The following TCF7 variants were observed in gnomAD, a reference collection of about 807,000 sequenced individuals.
TCF7 encodes the protein transcription factor 7, also known as T-cell-factor-7.
TCF7 carries 19 observed loss-of-function variants against 46.8 expected under a neutral mutation model. The ratio of observed to expected loss-of-function variants is 0.41; its 90% CI spans 0.28 to 0.60. The LOEUF (loss-of-function observed/expected upper bound fraction) is 0.60. Among genes scored for constraint, TCF7 ranks in the 20% least tolerant of loss-of-function variants. The pLI, the probability that TCF7 is intolerant of heterozygous loss-of-function variation, is 0.35. For synonymous variants in TCF7, 245 were observed against 213.4 expected (o/e 1.15, Z -1.29); for missense variants, 547 against 504.6 (o/e 1.08, Z -0.81).
chr5:134,138,928 C>T, intron 4 of TCF7, 23 bp from the exon 5 acceptor site: 1 of 1,613,126 alleles, frequency 6.2e-7, no homozygotes, highest in Non-Finnish European at 8.5e-7. Flanking sequence ...CTAGCCCACT[C>T]ACTCAGCTTC....
At chr5:134,135,949 GA>G (rs1580863931) in intron 3 of TCF7, among the ~76,000 whole-genome samples, 1 of 152,334 alleles carries the variant, frequency 6.6e-6, no homozygotes, top group East Asian at 1.9e-4. Context: ...ATGCTGCAGA[GA>G]GGTTGGATAA....
chr5:134,138,892 C>G, intron 4 of TCF7, 59 bp from the exon 5 acceptor site: 1 of 1,604,198 alleles, frequency 6.2e-7, no homozygotes, highest in East Asian at 2.2e-5. Context: ...GATGCAGTAA[C>G]TGCTGATATG....
intron 4 of TCF7, chr5:134,138,369 T>A: frequency 1.8e-6 from 1 of 546,572 alleles, no homozygotes. Context: ...GGTCAAAATG[T>A]GAAGGCTTCA....
chr5:134,142,608 GA>G, intron 6 of TCF7, 112 bp from the exon 7 acceptor site: 3 of 1,385,482 alleles, frequency 2.2e-6, no homozygotes, highest in Non-Finnish European at 2.9e-6. Context: ...ATTCCACTTA[GA>G]AAACTCTGGT....
intron 3 of TCF7, among the ~76,000 whole-genome samples, chr5:134,120,222 C>T (rs767078178): frequency 6.6e-6 from 1 of 152,174 alleles, no homozygotes; most frequent in Non-Finnish European, 1.5e-5. Context: ...GCAGTCAGCA[C>T]CCAAAGCCCC....
chr5:134,143,416 T>A (rs1302860367), intron 8 of TCF7, 176 bp from the exon 9 acceptor site: 1 of 837,804 alleles, frequency 1.2e-6, no homozygotes, highest in East Asian at 2.4e-5. Flanking sequence ...AGGGAAGAGC[T>A]TCTAAATGCA....
Position 134,115,003 on chromosome 5 carries a change from C to A in TCF7, c.97C>A (p.Gln33Lys). The A allele has an allele frequency of 8.0e-7, 1 of 1,251,358 alleles. No homozygotes were observed. The highest frequency in any genetic ancestry group is 1.5e-5 in the South Asian group (1 of 66,198). The allele number at this position is 1,251,358 out of a possible 1,614,324, so 77.5% of individuals were successfully genotyped here. A position where few individuals can be genotyped will look rare whatever the true frequency, so the allele number is the denominator to read the frequency against. ...GGCCTTCCAGGATGAAGGCGAGGAG[C>A]AGGACGACAAGAGCCGCGACAGCGC... ...LLAFQDEGEEQDDKSRDSAAG... is the reference protein window; with the variant it reads ...LLAFQDEGEEKDDKSRDSAAG... Residue 33 changes from glutamine (Q) to lysine (K), a missense_variant, in exon 1 of 10, where the codon CAG becomes AAG. Physicochemically the swap from Gln to Lys is moderately conservative, Grantham distance 53. Around this residue, in one of 3 missense-constraint regions of TCF7, gnomAD observed 425 missense variants for 349.9 expected, o/e 1.21. Transcript: ENST00000342854.
intron 3 of TCF7, among the ~76,000 whole-genome samples, chr5:134,128,635 C>T (rs1294608910): frequency 6.6e-6 from 1 of 151,074 alleles, no homozygotes; most frequent in East Asian, 1.9e-4. Context: ...TAAATTGGGG[C>T]AAGAATGCAG....
In TCF7 at chr5:134,143,696, G is replaced by A. The variant is rs546870463; in HGVS notation, c.1075+56G>A. The A allele has an allele frequency of 3.0e-5, 48 of 1,606,066 alleles. No individual in the cohort carries two copies. In the South Asian group the frequency reaches 5.0e-4, roughly 17 times the overall value. On this transcript the variant is annotated intron_variant, in intron 9 of 9. Coordinates refer to ENST00000342854, the MANE Select transcript of TCF7 (RefSeq NM_003202.5). ...TCCTCTCCATGTCCCCATTTCAAGA[G>A]CAGCCCTCCTCTGACCCAAAGGGAG...
chr5:134,127,959 G>A (rs752453043), intron 3 of TCF7, among the ~76,000 whole-genome samples: 1 of 152,196 alleles, frequency 6.6e-6, no homozygotes, highest in Non-Finnish European at 1.5e-5. Flanking sequence ...ACAAATATTA[G>A]TTCATCTAAT....
intron 3 of TCF7, among the ~76,000 whole-genome samples, chr5:134,119,981 C>T (rs1339105685): frequency 2.0e-5 from 3 of 152,200 alleles, no homozygotes; most frequent in Non-Finnish European, 4.4e-5. Context: ...GGCTCTACCC[C>T]GGGAGTGCCC....
In TCF7 at chr5:134,143,049, G is replaced by A. The variant is rs1226378692; in HGVS notation, c.975G>A (p.Glu325=). The A allele has an allele frequency of 1.2e-6, 2 of 1,611,788 alleles. No individual in the cohort carries two copies. The highest frequency in any genetic ancestry group is 3.4e-5 in the Admixed American group (2 of 59,556). ...AGTACTATGAGCTGGCCCGCAAGGA[G>A]AGGCAGCTGCACATGCAGCTATACC... ...QAKYYELARK[E]RQLHMQLYPG... Residue 325 remains glutamate (E), a synonymous_variant, in exon 8 of 10, where the codon GAG becomes GAA. Transcript: ENST00000342854.
chr5:134,115,618 C>T, intron 2 of TCF7: 1 of 1,431,474 alleles, frequency 7.0e-7, no homozygotes, highest in Non-Finnish European at 9.1e-7. Flanking sequence ...TCCCCGCCTC[C>T]CCTCCTGCCC....
At chr5:134,136,437 G>A (rs999791251) in intron 3 of TCF7, among the ~76,000 whole-genome samples, 5 of 152,104 alleles carry the variant, frequency 3.3e-5, no homozygotes, top group African/African-American at 1.2e-4. Context: ...TGGATGAGCA[G>A]GGCCCTGACA....
At chr5:134,135,104 C>T (rs528754156) in intron 3 of TCF7, among the ~76,000 whole-genome samples, 53 of 152,162 alleles carry the variant, frequency 3.5e-4, no homozygotes, top group Admixed American at 1.6e-3. Flanking sequence ...CAGGCATGCA[C>T]CACCATGCCC....
At position 134,141,782 on chromosome 5, in the gene TCF7, AG is replaced by A. The variant is rs149775844; in HGVS notation, c.636-401del. 9.0e-3 allele frequency: 1,431 copies of A among 158,670 alleles called. 20 individuals are homozygous for A. The highest frequency in any genetic ancestry group is 0.033 in the African/African-American group (1,356 of 41,712). The allele number at this position is 158,670 out of a possible 1,614,324, so 9.8% of individuals were successfully genotyped here. On this transcript the variant is annotated intron_variant, in intron 5 of 9. Coordinates refer to ENST00000342854, the MANE Select transcript of TCF7 (RefSeq NM_003202.5). ...GGGGGAATTTCAGCCGAAGCAGGCC[AG>A]GAACATTCAGGTGTCTCTAATGGTT...
chr5:134,115,377 C>A lies in TCF7; in HGVS notation c.306C>A (p.Pro102=). The A allele has an allele frequency of 6.2e-7, 1 of 1,602,380 alleles. No homozygotes were observed. Among genetic ancestry groups the A allele is most frequent in the Non-Finnish European group, 8.5e-7 (1 of 1,175,222 alleles). The part of the protein sequence containing the change: ...QRLFPDKLPE[P]LEDGLKAPEC... ...TCTTCCCGGACAAACTTCCAGAGCC[C>A]CTGGAGGACGGTGAGTTTCTGCCCG... is the stretch of plus-strand genomic sequence containing the variant. The change falls in exon 2 of 10, where the codon CCC becomes CCA. Residue 102 remains proline (P), a synonymous_variant. Transcript: ENST00000342854.
At chr5:134,125,492 C>T (rs1476419530) in intron 3 of TCF7, among the ~76,000 whole-genome samples, 1 of 152,222 alleles carries the variant, frequency 6.6e-6, no homozygotes, top group Admixed American at 6.5e-5. Context: ...TTTATCTGGG[C>T]ACAGGTCTCA....
At chr5:134,109,951 C>G (rs889161776), upstream of TCF7, among the ~76,000 whole-genome samples, 3 of 152,198 alleles carry the variant, frequency 2.0e-5, no homozygotes, top group African/African-American at 7.2e-5. Context: ...AGCCTAGGAC[C>G]TGGCACACAG....
Sources: allele counts gnomAD v4.1 joint callset (sites outside exome capture counted in the v4.1 genomes callset), GRCh38; gene constraint gnomAD v4.1.1; regional missense constraint gnomAD v4.1.1; transcripts MANE v1.5; gene names NCBI Gene and HGNC (gene_info 2026-07-23, HGNC 2026-07-21).